Variants in DOK1 observed in about 807,000 individuals in gnomAD.
DOK1 encodes docking protein 1.
A neutral mutation model predicts 24.0 loss-of-function variants in DOK1; 12 were observed. The ratio of observed to expected loss-of-function variants is 0.50; its 90% confidence interval spans 0.32 to 0.81. The LOEUF (loss-of-function observed/expected upper bound fraction) is 0.81. Among genes scored for constraint, DOK1 ranks in the 30% least tolerant of loss-of-function variants. The probability of loss-of-function intolerance (pLI) is 0.03; values close to 1 mark genes in which losing one functional copy is unlikely to be tolerated. For missense variants in DOK1, 591 were observed against 620.7 expected (o/e 0.95, Z 0.51); for synonymous variants, 250 against 260.9 (o/e 0.96, Z 0.40).
chr2:74,550,934 GTT>G (rs1030182702), upstream of DOK1, among the ~76,000 whole-genome samples: 1 of 135,364 alleles, frequency 7.4e-6, no homozygotes. Flanking sequence ...TCTGAAACCT[GTT>G]TTTTTTTTTT....
Position 74,556,960 on chromosome 2 carries a change from C to G in DOK1, c.1292C>G (p.Pro431Arg), listed in dbSNP as rs1463484968. ...CCCAAGCCCCAGGGCCCAGCCTTCCCTGAACCTGGTACTGCAACTGGCAGT... is the reference window on the plus strand; with the variant it reads ...CCCAAGCCCCAGGGCCCAGCCTTCCGTGAACCTGGTACTGCAACTGGCAGT... ...LAPKPQGPAF[P>R]EPGTATGSGI... is the part of the protein sequence containing the mutation. Residue 431 changes from proline (P) to arginine (R), a missense_variant, in exon 5 of 5, where the codon CCT becomes CGT. Pro to Arg is a moderately radical substitution (Grantham distance 103). Coordinates refer to ENST00000233668, the MANE Select transcript of DOK1 (RefSeq NM_001381.5). The surrounding 1 kb of genome is among the most constrained non-coding windows in gnomAD (Gnocchi z 4.1). The G allele has an allele frequency of 1.2e-6, 2 of 1,614,084 alleles. No homozygotes were observed. The highest frequency in any genetic ancestry group is 1.7e-6 in the Non-Finnish European group (2 of 1,180,032).
chr2:74,552,424 C>T (rs143357774), upstream of DOK1: 8 of 1,613,786 alleles, frequency 5.0e-6, no homozygotes, highest in African/African-American at 4.0e-5. Flanking sequence ...AAGTCATCAT[C>T]GCAGATGGTG....
At chr2:74,552,265 C>A, upstream of DOK1, 1 of 1,511,572 alleles carries the variant, frequency 6.6e-7, no homozygotes, top group Non-Finnish European at 9.0e-7. Flanking sequence ...TGTTCCCTTT[C>A]CCTGCACTTT....
rs1558637505 is a variant in DOK1 at position 74,556,550 on chromosome 2, C to T, written c.882C>T (p.Ala294=). ...AAGAGCTCCTCGACAGTCCCCCAGCCCTGTATGCTGAGCCCTTAGACTCCC... is the reference window on the plus strand; with the variant it reads ...AAGAGCTCCTCGACAGTCCCCCAGCTCTGTATGCTGAGCCCTTAGACTCCC... ...GPQELLDSPP[A]LYAEPLDSLR... is the part of the protein sequence containing the mutation. The change falls in exon 5 of 5, where the codon GCC becomes GCT. Residue 294 remains alanine, a synonymous_variant. Transcript: ENST00000233668. This position sits in a 1 kb window ranked among gnomAD's most constrained non-coding sequence, Gnocchi z 4.1. The T allele has an allele frequency of 6.2e-7, 1 of 1,614,220 alleles. No individual in the cohort carries two copies.
chr2:74,554,707 C>T, upstream of DOK1: 1 of 1,598,054 alleles, frequency 6.3e-7, no homozygotes, highest in Non-Finnish European at 8.5e-7. This position sits in a 1 kb window ranked among gnomAD's most constrained non-coding sequence, Gnocchi z 4.9. Flanking sequence ...CCTCCCGCCC[C>T]GCCTCCCGCC....
At chr2:74,550,082 T>C (rs1676903709), upstream of DOK1, 2 of 1,485,632 alleles carry the variant, frequency 1.3e-6, no homozygotes, top group African/African-American at 2.8e-5. Flanking sequence ...CCAATCCAAA[T>C]GATCCCCCAG....
chr2:74,550,469 G>A, upstream of DOK1: 1 of 1,070,778 alleles, frequency 9.3e-7, no homozygotes, highest in South Asian at 1.5e-5. Flanking sequence ...CCATCTTTCT[G>A]GTATGATAAG....
upstream of DOK1, chr2:74,552,895 G>T: frequency 2.2e-6 from 1 of 453,148 alleles, no homozygotes; most frequent in South Asian, 4.5e-5. Context: ...ATGAGAGATC[G>T]AGAGTCAGAG....
chr2:74,552,612 T>C (rs1251364945), upstream of DOK1: 4 of 1,574,724 alleles, frequency 2.5e-6, no homozygotes, highest in Non-Finnish European at 3.5e-6. Flanking sequence ...GGGGCTCCAC[T>C]GCCAGACACT....
At chr2:74,554,586 G>C, upstream of DOK1, 2 of 640,340 alleles carry the variant, frequency 3.1e-6, no homozygotes, top group Non-Finnish European at 5.4e-6. The surrounding 1 kb of genome is among the most constrained non-coding windows in gnomAD (Gnocchi z 4.9). Flanking sequence ...GCTAATCCGG[G>C]GGTCTCCACC....
upstream of DOK1, chr2:74,552,793 G>A (rs775006956): frequency 4.4e-6 from 3 of 686,538 alleles, no homozygotes; most frequent in Non-Finnish European, 7.1e-6. Flanking sequence ...GAGCCCCAGG[G>A]ACCAAGAGAC....
chr2:74,557,231 AC>A lies in DOK1; in HGVS notation c.*119del. 1 of 1,041,484 alleles carries A rather than the reference AC, an allele frequency of 9.6e-7. No individual in the cohort carries two copies. Among genetic ancestry groups the A allele is most frequent in the Non-Finnish European group, 1.4e-6 (1 of 732,020 alleles). The allele number at this position is 1,041,484 out of a possible 1,614,324, so 64.5% of individuals were successfully genotyped here. ...GGTGGGAGGGGCCATGCTGTGTGAG[AC>A]CAGGGGACCAGAGGGATGGGAGAGT... On this transcript the variant is annotated 3_prime_UTR_variant, in exon 5 of 5. Transcript: ENST00000233668.
In DOK1 at chr2:74,555,334, C is replaced by T. The variant is rs771636203; in HGVS notation, c.241C>T (p.Pro81Ser). The T allele has an allele frequency of 6.2e-7, 1 of 1,613,968 alleles. No homozygotes were observed. The highest frequency in any genetic ancestry group is 8.5e-7 in the Non-Finnish European group (1 of 1,179,972). Residue 81 changes from proline to serine, a missense_variant, in exon 2 of 5, where the codon CCC (proline) becomes TCC (serine). Transcript: ENST00000233668. The surrounding 1 kb of genome is among the most constrained non-coding windows in gnomAD (Gnocchi z 6.1). ...TGTGGCCCCCGTCACCGTGGAGACC[C>T]CCCCTGAGCCCGGCGCCACTGCCTT... ...VSVAPVTVET[P>S]PEPGATAFRL...
chr2:74,555,202 G>A lies in DOK1; in HGVS notation c.109G>A (p.Val37Ile), dbSNP rs749816844. Residue 37 changes from valine (V) to isoleucine (I), a missense_variant, in exon 2 of 5, where the codon GTA becomes ATA. By Grantham distance (29) the Val-to-Ile change is conservative. Coordinates refer to ENST00000233668, the MANE Select transcript of DOK1 (RefSeq NM_001381.5). This position sits in a 1 kb window ranked among gnomAD's most constrained non-coding sequence, Gnocchi z 6.1. ...GCTCTACCCGGCCAGTCCCCACGGC[G>A]TAGCGCGGCTCGAGTTCTTTGACCA... The part of the protein sequence containing the change: ...AVLYPASPHG[V>I]ARLEFFDHKG... 1.4e-5 allele frequency: 22 copies of A among 1,613,556 alleles called. No homozygotes were observed. The South Asian group carries it at 2.4e-4, about 18-fold the overall frequency.
rs1317684691 is a variant in DOK1, at chr2:74,556,104, C to T, written c.639+26C>T. The T allele has an allele frequency of 6.4e-7, 1 of 1,555,898 alleles. No individual in the cohort carries two copies. Among genetic ancestry groups the T allele is most frequent in the African/African-American group, 1.4e-5 (1 of 73,470 alleles). ...GTGCAGGGGCTGTCCGGGAGGGCTT[C>T]CTGGGTTGGGCAGCTGTGGGAGGGG... On this transcript the variant is annotated intron_variant, in intron 4 of 4. Coordinates refer to ENST00000233668, the MANE Select transcript of DOK1 (RefSeq NM_001381.5). This position sits in a 1 kb window ranked among gnomAD's most constrained non-coding sequence, Gnocchi z 4.1.
chr2:74,550,046 T>C (rs1676901231), upstream of DOK1: 2 of 1,474,956 alleles, frequency 1.4e-6, no homozygotes, highest in Non-Finnish European at 1.8e-6. Context: ...CTGGGAGCTC[T>C]ATCATTTGCT....
upstream of DOK1, among the ~76,000 whole-genome samples, chr2:74,550,834 G>A (rs118182946): frequency 1.2e-3 from 185 of 152,246 alleles, 2 homozygotes; most frequent in East Asian, 0.032. Context: ...TGTGAGGCTT[G>A]GATGTCTAAG....
At chr2:74,553,490 C>T (rs754076095), upstream of DOK1, among the ~76,000 whole-genome samples, 8 of 152,206 alleles carry the variant, frequency 5.3e-5, no homozygotes, top group Non-Finnish European at 1.0e-4. Flanking sequence ...GGAGGCCAGG[C>T]GCTATGGCTC....
At chr2:74,553,357 A>G (rs761684172), upstream of DOK1, among the ~76,000 whole-genome samples, 5 of 152,182 alleles carry the variant, frequency 3.3e-5, no homozygotes, top group Non-Finnish European at 7.4e-5. Context: ...CCCAACACGC[A>G]GGCTCTCAGA....
Sources: allele counts gnomAD v4.1 joint callset (sites outside exome capture counted in the v4.1 genomes callset), GRCh38; gene constraint gnomAD v4.1.1; non-coding constraint Gnocchi (gnomAD v3.1); transcripts MANE v1.5; gene names NCBI Gene and HGNC (gene_info 2026-07-23, HGNC 2026-07-21).